Variants in PRDM16 observed in about 807,000 individuals in gnomAD.
PRDM16 encodes the protein histone-lysine N-methyltransferase PRDM16.
In PRDM16, 23 loss-of-function variants were observed where a neutral mutation model predicts 110.6. The ratio of observed to expected loss-of-function variants is 0.21; its 90% CI spans 0.15 to 0.29. PRDM16 has a LOEUF of 0.29. Among genes scored for constraint, PRDM16 ranks in the 10% least tolerant of loss-of-function variants. PRDM16 has a pLI of 1.00. For missense variants in PRDM16, 1,615 were observed against 1,794.3 expected, an observed-to-expected ratio of 0.90 and a Z score of 1.81; for synonymous variants, 799 against 781.8, an observed-to-expected ratio of 1.02 and a Z score of -0.37.
At chr1:3,387,928 T>C (rs985916414) in intron 4 of PRDM16, among the ~76,000 whole-genome samples, 1 of 152,262 alleles carries the variant, frequency 6.6e-6, no homozygotes, top group Non-Finnish European at 1.5e-5. Flanking sequence ...TTCAATCTAG[T>C]GTTTAAATGC....
At chr1:3,291,643 A>G (rs1640975484) in intron 3 of PRDM16, among the ~76,000 whole-genome samples, 1 of 152,206 alleles carries the variant, frequency 6.6e-6, no homozygotes, top group Non-Finnish European at 1.5e-5. Flanking sequence ...ATCAATGTCC[A>G]TTTTAAATAA....
chr1:3,262,354 C>T (rs1386403089), intron 3 of PRDM16, among the ~76,000 whole-genome samples: 2 of 152,250 alleles, frequency 1.3e-5, no homozygotes, highest in East Asian at 1.9e-4. Flanking sequence ...GACAGCCCCA[C>T]ACTTGTGAGT....
chr1:3,295,476 C>T (rs1380551814), intron 3 of PRDM16, among the ~76,000 whole-genome samples: 3 of 152,212 alleles, frequency 2.0e-5, no homozygotes, highest in Non-Finnish European at 2.9e-5. Context: ...CCTCCAGGAG[C>T]ACCAGCGTGT....
rs1189906491 is a variant in PRDM16, at chr1:3,080,889, C to G, written c.37+11593C>G. On this transcript the variant is annotated intron_variant, in intron 1 of 16. Transcript: ENST00000270722. This position sits in a 1 kb window ranked among gnomAD's most constrained non-coding sequence, Gnocchi z 5.2. ...CCCACATGAGTAGCAGAACCCCGGCCCGAGCACCCAACGCTTCCCGGAGAG... is the reference window on the plus strand; with the variant it reads ...CCCACATGAGTAGCAGAACCCCGGCGCGAGCACCCAACGCTTCCCGGAGAG... Among the ~76,000 whole-genome samples, 3 of 152,126 alleles carry G rather than the reference C, an allele frequency of 2.0e-5. No individual in the cohort carries two copies. The highest frequency in any genetic ancestry group is 6.5e-5 in the Admixed American group (1 of 15,278).
chr1:3,429,857 C>G (rs1265775170), intron 14 of PRDM16, among the ~76,000 whole-genome samples: 1 of 152,240 alleles, frequency 6.6e-6, no homozygotes. Flanking sequence ...CAGGCGAGTC[C>G]GAGACACGGA....
chr1:3,412,105 C>T lies in PRDM16; in HGVS notation c.1908C>T (p.Asp636=). The T allele has an allele frequency of 1.3e-6, 2 of 1,573,676 alleles. No individual in the cohort carries two copies. Among genetic ancestry groups the T allele is most frequent in the Non-Finnish European group, 1.7e-6 (2 of 1,159,188 alleles). ...ACGTGGACAGCGACCCTGACAAGGA[C>T]AAGGGCAAGGGCAAGTCCGCCGAGG... The part of the protein sequence containing the change: ...DSDVDSDPDK[D]KGKGKSAEGQ... The change falls in exon 9 of 17, where the codon GAC becomes GAT. Residue 636 remains aspartate, a synonymous_variant. Coordinates refer to ENST00000270722, the MANE Select transcript of PRDM16 (RefSeq NM_022114.4).
chr1:3,121,995 G>A (rs1569613182), intron 1 of PRDM16, among the ~76,000 whole-genome samples: 1 of 152,240 alleles, frequency 6.6e-6, no homozygotes, highest in Non-Finnish European at 1.5e-5. Context: ...GCGGGCGGTT[G>A]GTATCGCCAG....
intron 1 of PRDM16, among the ~76,000 whole-genome samples, chr1:3,111,117 C>A (rs1255073138): frequency 6.6e-6 from 1 of 152,092 alleles, no homozygotes; most frequent in Non-Finnish European, 1.5e-5. Context: ...CGTGCAGGGG[C>A]CCAGGGATTC....
chr1:3,161,653 G>A (rs1014051366), intron 1 of PRDM16, among the ~76,000 whole-genome samples: 2 of 152,234 alleles, frequency 1.3e-5, no homozygotes, highest in Admixed American at 6.5e-5. Flanking sequence ...GCCCGGCGCG[G>A]AGAGGCCGGT....
intron 16 of PRDM16, among the ~76,000 whole-genome samples, chr1:3,432,566 G>C (rs566046498): frequency 2.0e-5 from 3 of 152,348 alleles, no homozygotes; most frequent in Admixed American, 2.0e-4. Context: ...GGAGCAATGA[G>C]GTCAGCGAGG....
intron 3 of PRDM16, among the ~76,000 whole-genome samples, chr1:3,252,606 TG>T: frequency 6.6e-6 from 1 of 152,158 alleles, no homozygotes; most frequent in East Asian, 1.9e-4. Flanking sequence ...GCGCCTGCCC[TG>T]GGGGTGGGGC....
chr1:3,255,498 G>A lies in PRDM16; in HGVS notation c.438+11361G>A, dbSNP rs4648465. Among the ~76,000 whole-genome samples, 58,201 of 151,900 alleles carry A rather than the reference G, an allele frequency of 0.38. 13,685 individuals are homozygous for A. The highest frequency in any genetic ancestry group is 0.59 in the East Asian group (2,991 of 5,090). On this transcript the variant is annotated intron_variant, in intron 3 of 16. Transcript: ENST00000270722. This position sits in a 1 kb window ranked among gnomAD's most constrained non-coding sequence, Gnocchi z 4.7. ...TCAGAGAGAGGCAAGACAGTGGGGC[G>A]GAGTCCTGGGAGGAGGTGTGGCATT...
In PRDM16 at chr1:3,358,296, G is replaced by A. The variant is rs970320096; in HGVS notation, c.439-26856G>A. Among the ~76,000 whole-genome samples the A allele has an allele frequency of 2.0e-5, 3 of 152,236 alleles. No individual in the cohort carries two copies. In the East Asian group the frequency reaches 5.8e-4, roughly 29 times the overall value. Reference sequence around the variant, plus strand: ...CCAGCCTGCCTGCTGGGGAACCGTAGTTACGCAGGTCCTGAACTGGGTCTT... The same window carrying A: ...CCAGCCTGCCTGCTGGGGAACCGTAATTACGCAGGTCCTGAACTGGGTCTT... On this transcript the variant is annotated intron_variant, in intron 3 of 16. Coordinates refer to ENST00000270722, the MANE Select transcript of PRDM16 (RefSeq NM_022114.4). The surrounding 1 kb of genome is among the most constrained non-coding windows in gnomAD (Gnocchi z 4.0).
At chr1:3,099,790 C>T (rs77922993) in intron 1 of PRDM16, among the ~76,000 whole-genome samples, 14 of 152,322 alleles carry the variant, frequency 9.2e-5, no homozygotes, top group South Asian at 4.1e-4. Flanking sequence ...ACACTCCCAG[C>T]GTCCCTTATA....
At chr1:3,342,742 A>G (rs1021549429) in intron 3 of PRDM16, among the ~76,000 whole-genome samples, 3 of 152,218 alleles carry the variant, frequency 2.0e-5, no homozygotes, top group Non-Finnish European at 4.4e-5. Context: ...TCCACGCATA[A>G]GGCACTGTTT....
intron 1 of PRDM16, among the ~76,000 whole-genome samples, chr1:3,070,199 G>A (rs978029017): frequency 6.6e-6 from 1 of 151,710 alleles, no homozygotes; most frequent in Non-Finnish European, 1.5e-5. Context: ...CAGGCTGCCC[G>A]GTCCTCGGTC....
At chr1:3,404,197 A>G (rs1192733975) in intron 6 of PRDM16, among the ~76,000 whole-genome samples, 4 of 152,222 alleles carry the variant, frequency 2.6e-5, no homozygotes, top group African/African-American at 9.6e-5. Context: ...AGAGCAGGGA[A>G]TTAGAGCGAC....
chr1:3,253,778 T>G (rs368587825), intron 3 of PRDM16, among the ~76,000 whole-genome samples: 2 of 152,022 alleles, frequency 1.3e-5, no homozygotes, highest in South Asian at 2.1e-4. Flanking sequence ...CCTGAGGAAT[T>G]GCCACACTGA....
intron 3 of PRDM16, among the ~76,000 whole-genome samples, chr1:3,317,737 C>A (rs1641644739): frequency 6.6e-6 from 1 of 152,242 alleles, no homozygotes. Context: ...AGTGTCCCCT[C>A]CTCCTCCGGA....
Sources: gnomAD v4.1 joint callset for allele counts (sites outside exome capture counted in the v4.1 genomes callset) on GRCh38, gnomAD v4.1.1 for gene constraint, Gnocchi (gnomAD v3.1) non-coding constraint, MANE v1.5 for transcripts, NCBI Gene and HGNC (gene_info 2026-07-23, HGNC 2026-07-21) for gene names.